ASIC2: variants seen among roughly 807,000 people sequenced by gnomAD.
ASIC2 encodes the protein acid-sensing ion channel 2.
In ASIC2, 25 loss-of-function variants were observed where a neutral mutation model predicts 57.3. The ratio of observed to expected loss-of-function variants is 0.44; its 90% CI spans 0.32 to 0.61. The LOEUF is 0.61. Ranked by LOEUF, ASIC2 falls within the 20% of genes least tolerant of loss-of-function variation. ASIC2 has a pLI of 0.06. For synonymous variants in ASIC2, 319 were observed against 307.5 expected, an observed-to-expected ratio of 1.04 and a Z score of -0.39; for missense variants, 641 against 738.1, an observed-to-expected ratio of 0.87 and a Z score of 1.52.
chr17:33,083,060 C>T (rs939495084), intron 3 of ASIC2, among the ~76,000 whole-genome samples: 5 of 152,112 alleles, frequency 3.3e-5, no homozygotes, highest in South Asian at 2.1e-4. Flanking sequence ...CTCAGGGAGA[C>T]GGGCTTTCAG....
At chr17:33,121,579 A>T (rs1372424950) in intron 1 of ASIC2, among the ~76,000 whole-genome samples, 3 of 152,162 alleles carry the variant, frequency 2.0e-5, no homozygotes, top group African/African-American at 7.2e-5. Flanking sequence ...CAGAAAGGCC[A>T]GTGGTGCCAG....
intron 1 of ASIC2, among the ~76,000 whole-genome samples, chr17:33,217,592 G>A (rs192013059): frequency 1.4e-3 from 214 of 152,250 alleles, no homozygotes; most frequent in Admixed American, 2.2e-3. Context: ...CCCCGGAGTA[G>A]CACCTTGTAA....
chr17:33,096,821 C>T (rs190813752), intron 2 of ASIC2, among the ~76,000 whole-genome samples: 2 of 152,206 alleles, frequency 1.3e-5, no homozygotes, highest in Admixed American at 6.5e-5. Flanking sequence ...AGAAAGTGTT[C>T]CAGGTGGAGG....
intron 1 of ASIC2, among the ~76,000 whole-genome samples, chr17:33,661,012 T>C (rs1044536268): frequency 3.3e-5 from 5 of 151,990 alleles, no homozygotes; most frequent in Non-Finnish European, 5.9e-5. Context: ...CACTATCCGG[T>C]CTGTTGGAGA....
chr17:34,089,127 G>A lies in ASIC2; in HGVS notation c.555+66851C>T, dbSNP rs138590400. 8.3e-3 allele frequency among the ~76,000 whole-genome samples: 1,265 copies of A among 152,312 alleles called. 15 individuals are homozygous for A. Among genetic ancestry groups the A allele is most frequent in the African/African-American group, 0.028 (1,165 of 41,556 alleles). On this transcript the variant is annotated intron_variant, in intron 1 of 9. Coordinates refer to the ASIC2 transcript ENST00000359872. ...AATGCAGAAATCACCTGTCTTCTGC[G>A]TCGTTCATGCTGGGAGCTGTAGACT... is the stretch of plus-strand genomic sequence containing the variant.
chr17:33,507,575 A>G (rs1597756405), intron 1 of ASIC2, among the ~76,000 whole-genome samples: 1 of 151,346 alleles, frequency 6.6e-6, no homozygotes, highest in Admixed American at 6.6e-5. Flanking sequence ...TTTCATTCTC[A>G]TCGTTTTCTC....
upstream of ASIC2, among the ~76,000 whole-genome samples, chr17:33,295,688 A>G (rs1189568858): frequency 6.6e-6 from 1 of 152,234 alleles, no homozygotes; most frequent in Non-Finnish European, 1.5e-5. Flanking sequence ...CTCTTAGCAC[A>G]GTGACCTAGC....
At chr17:34,135,368 C>G (rs148926357) in intron 1 of ASIC2, among the ~76,000 whole-genome samples, 5 of 152,182 alleles carry the variant, frequency 3.3e-5, no homozygotes, top group Non-Finnish European at 7.4e-5. Context: ...CTAGCATCTT[C>G]GTAGGAGAAG....
intron 1 of ASIC2, among the ~76,000 whole-genome samples, chr17:33,503,853 A>G (rs1045023596): frequency 1.3e-5 from 2 of 152,234 alleles, no homozygotes; most frequent in Non-Finnish European, 2.9e-5. Context: ...TCCACATTCC[A>G]GGATTAGGAT....
intron 4 of ASIC2, 112 bp downstream of exon 4, chr17:33,028,130 A>G (rs2141903228): frequency 7.1e-7 from 1 of 1,405,958 alleles, no homozygotes; most frequent in Non-Finnish European, 9.7e-7. Context: ...CCAGAACATC[A>G]TCCTTTTGGA....
chr17:33,763,479 C>T lies in ASIC2; in HGVS notation c.555+392499G>A, dbSNP rs571864219. Among the ~76,000 whole-genome samples, 4 of 152,246 alleles carry T rather than the reference C, an allele frequency of 2.6e-5. No individual in the cohort carries two copies. In the East Asian group the frequency reaches 7.7e-4, roughly 29 times the overall value. The stretch of plus-strand genomic sequence containing the variant: ...TAGCAGAAGGGCCTTTTCCCTTCTC[C>T]TTGGGCACTGGGATGGATTGCGTTA... On this transcript the variant is annotated intron_variant, in intron 1 of 9. Coordinates refer to the ASIC2 transcript ENST00000359872.
intron 1 of ASIC2, among the ~76,000 whole-genome samples, chr17:33,608,500 T>C (rs1354927967): frequency 6.6e-6 from 1 of 152,126 alleles, no homozygotes; most frequent in East Asian, 1.9e-4. Flanking sequence ...TTCTGGCCAC[T>C]TGACTGCCCT....
At chr17:33,501,279 A>C (rs1422319998) in intron 1 of ASIC2, among the ~76,000 whole-genome samples, 3 of 152,218 alleles carry the variant, frequency 2.0e-5, no homozygotes, top group Admixed American at 2.0e-4. Context: ...CATTGTATGC[A>C]CGTCTTGTTA....
intron 1 of ASIC2, among the ~76,000 whole-genome samples, chr17:34,056,883 TTC>T (rs1908784007): frequency 6.6e-6 from 1 of 152,198 alleles, no homozygotes; most frequent in Non-Finnish European, 1.5e-5. Context: ...AAACAACCCA[TTC>T]GTGTGAAAAC....
chr17:34,071,107 C>T (rs1452835185), intron 1 of ASIC2: 1 of 152,140 alleles, frequency 6.6e-6, no homozygotes, highest in African/African-American at 2.4e-5. Context: ...TGTGCACACA[C>T]CCTTGTTACA....
In ASIC2 at chr17:33,256,831, C is replaced by CA. The variant is rs999367836; in HGVS notation, c.708+34576dup. 2.8e-4 allele frequency among the ~76,000 whole-genome samples: 42 copies of CA among 149,660 alleles called. No individual in the cohort carries two copies. The East Asian group carries it at 3.3e-3, about 12-fold the overall frequency. ...TGGGCAACAGAGTGAGACTCCATCT[C>CA]AAAAAAAAAATTACTGTAAGAGAAA... On this transcript the variant is annotated intron_variant, in intron 1 of 9. Transcript: ENST00000225823.
chr17:33,297,379 A>G (rs1390177043), upstream of ASIC2, among the ~76,000 whole-genome samples: 1 of 151,964 alleles, frequency 6.6e-6, no homozygotes, highest in African/African-American at 2.4e-5. Context: ...GGGGCTCTTG[A>G]CCGTCCCCTT....
chr17:33,237,515 T>C (rs544660901), intron 1 of ASIC2, among the ~76,000 whole-genome samples: 1 of 152,174 alleles, frequency 6.6e-6, no homozygotes, highest in South Asian at 2.1e-4. Context: ...AACACTCAGG[T>C]GATTTTGTGT....
At chr17:33,107,828 T>A (rs1272897080) in intron 2 of ASIC2, among the ~76,000 whole-genome samples, 2 of 152,168 alleles carry the variant, frequency 1.3e-5, no homozygotes, top group African/African-American at 4.8e-5. Flanking sequence ...AGTGGTTCCC[T>A]CCCTGCTTCC....
Sources: allele counts gnomAD v4.1 joint callset (sites outside exome capture counted in the v4.1 genomes callset), GRCh38; gene constraint gnomAD v4.1.1; transcripts MANE v1.5; gene names NCBI Gene and HGNC (gene_info 2026-07-23, HGNC 2026-07-21).